GFRA1: variants seen among roughly 807,000 people sequenced by gnomAD.
The protein encoded by GFRA1 is GDNF family receptor alpha-1.
In GFRA1, 16 loss-of-function variants were observed where a neutral mutation model predicts 51.6. The ratio of observed to expected loss-of-function variants is 0.31; its 90% CI spans 0.21 to 0.47. The LOEUF is 0.47. Ranked by LOEUF, GFRA1 falls within the 20% of genes least tolerant of loss-of-function variation. The pLI is 1.00. For missense variants in GFRA1, 530 were observed against 594.3 expected, an observed-to-expected ratio of 0.89 and a Z score of 1.13; for synonymous variants, 270 against 241.3, an observed-to-expected ratio of 1.12 and a Z score of -1.10.
chr10:116,079,423 T>C (rs900785106), intron 9 of GFRA1, among the ~76,000 whole-genome samples: 3 of 151,982 alleles, frequency 2.0e-5, no homozygotes, highest in Non-Finnish European at 4.4e-5. Context: ...CTCCCTATGC[T>C]CCTTGCTACA....
chr10:116,185,985 A>G (rs1251446722), intron 5 of GFRA1, among the ~76,000 whole-genome samples: 1 of 152,122 alleles, frequency 6.6e-6, no homozygotes, highest in Non-Finnish European at 1.5e-5. Flanking sequence ...TTTATCTTTT[A>G]AATTTTATTT....
chr10:116,163,613 G>A (rs756830247), intron 5 of GFRA1, among the ~76,000 whole-genome samples: 2 of 152,218 alleles, frequency 1.3e-5, no homozygotes, highest in Non-Finnish European at 2.9e-5. Context: ...GGGCTGTGCT[G>A]TGGTCACTCC....
intron 5 of GFRA1, among the ~76,000 whole-genome samples, chr10:116,172,274 G>A (rs1365589870): frequency 6.6e-6 from 1 of 152,086 alleles, no homozygotes; most frequent in East Asian, 1.9e-4. Context: ...GTAAGACAAG[G>A]GAGCTGACGT....
At chr10:116,177,330 C>T (rs1312545837) in intron 5 of GFRA1, among the ~76,000 whole-genome samples, 1 of 152,102 alleles carries the variant, frequency 6.6e-6, no homozygotes, top group Non-Finnish European at 1.5e-5. Flanking sequence ...ATGCAATGGT[C>T]TAGGCAAAAT....
chr10:116,207,617 T>C (rs1048046685), intron 5 of GFRA1, among the ~76,000 whole-genome samples: 1 of 138,008 alleles, frequency 7.2e-6, no homozygotes, highest in Non-Finnish European at 1.6e-5. Context: ...ATATGATTGA[T>C]ATATATATAT....
At chr10:116,232,976 G>A (rs1966775221) in intron 4 of GFRA1, among the ~76,000 whole-genome samples, 1 of 152,164 alleles carries the variant, frequency 6.6e-6, no homozygotes, top group South Asian at 2.1e-4. Flanking sequence ...GTTATTTTAA[G>A]TGCAGGCCTA....
At chr10:116,269,617 C>G (rs1459645306) in intron 3 of GFRA1, 31 bp from the exon 4 acceptor site, 1 of 1,287,854 alleles carries the variant, frequency 7.8e-7, no homozygotes, top group South Asian at 1.2e-5. Context: ...GGGCTCAGAT[C>G]AGAAAAACAT....
chr10:116,268,812 CTGAA>C (rs1969867213), intron 4 of GFRA1, among the ~76,000 whole-genome samples: 1 of 152,154 alleles, frequency 6.6e-6, no homozygotes, highest in African/African-American at 2.4e-5. Context: ...TATGGGCTGT[CTGAA>C]TGCAGATGTT....
chr10:116,178,592 A>G (rs1251161279), intron 5 of GFRA1, among the ~76,000 whole-genome samples: 1 of 152,218 alleles, frequency 6.6e-6, no homozygotes, highest in Non-Finnish European at 1.5e-5. Flanking sequence ...GAGTTCTAGA[A>G]GAGGTGAATA....
intron 5 of GFRA1, among the ~76,000 whole-genome samples, chr10:116,186,570 T>TAAAA (rs386372545): frequency 7.7e-5 from 10 of 129,178 alleles, no homozygotes; most frequent in East Asian, 2.3e-4. Flanking sequence ...GAAAGGCTCT[T>TAAAA]AAAAAAAAAA....
chr10:116,104,447 T>C (rs1359068558), intron 6 of GFRA1, among the ~76,000 whole-genome samples: 1 of 152,216 alleles, frequency 6.6e-6, no homozygotes, highest in African/African-American at 2.4e-5. Flanking sequence ...TGGAGGCTGC[T>C]GTCACTGCAC....
At chr10:116,231,696 G>A (rs1966685484) in intron 4 of GFRA1, among the ~76,000 whole-genome samples, 1 of 152,048 alleles carries the variant, frequency 6.6e-6, no homozygotes, top group Non-Finnish European at 1.5e-5. Context: ...ACAGCTGCCA[G>A]CCTTTTCCGG....
At chr10:116,167,142 GC>G (rs369836032) in intron 5 of GFRA1, among the ~76,000 whole-genome samples, 271 of 152,184 alleles carry the variant, frequency 1.8e-3, no homozygotes, top group African/African-American at 5.9e-3. Flanking sequence ...GTCTTCTCAA[GC>G]CATATTTTCT....
At chr10:116,096,797 A>G (rs754644101) in intron 6 of GFRA1, 33 bp from the exon 7 acceptor site, 1 of 1,223,396 alleles carries the variant, frequency 8.2e-7, no homozygotes. Flanking sequence ...GGGGGTGGAA[A>G]TGTGCTTTAA....
intron 9 of GFRA1, among the ~76,000 whole-genome samples, chr10:116,079,713 CA>C (rs956619835): frequency 3.9e-5 from 6 of 152,062 alleles, no homozygotes; most frequent in African/African-American, 1.4e-4. Flanking sequence ...ACCAAAATGT[CA>C]ATAGTGCCAA....
chr10:116,134,437 G>A (rs183165981), intron 5 of GFRA1, among the ~76,000 whole-genome samples: 9 of 152,306 alleles, frequency 5.9e-5, no homozygotes, highest in Non-Finnish European at 1.2e-4. Context: ...CTGGGCTTCT[G>A]ATATCCACAC....
At chr10:116,118,895 A>G (rs1258541261) in intron 6 of GFRA1, among the ~76,000 whole-genome samples, 3 of 152,160 alleles carry the variant, frequency 2.0e-5, no homozygotes, top group Non-Finnish European at 2.9e-5. Flanking sequence ...CCAGCTGGAG[A>G]GAGGGAGAAC....
intron 8 of GFRA1, among the ~76,000 whole-genome samples, chr10:116,092,555 G>A (rs535032662): frequency 6.6e-6 from 1 of 152,194 alleles, no homozygotes; most frequent in Admixed American, 6.5e-5. Context: ...CTCCCACCAG[G>A]AAGTCAGACT....
intron 9 of GFRA1, among the ~76,000 whole-genome samples, chr10:116,078,587 A>C (rs1174326691): frequency 6.6e-6 from 1 of 152,208 alleles, no homozygotes; most frequent in Non-Finnish European, 1.5e-5. Flanking sequence ...ATCCCCCTCC[A>C]ACAGCTCATT....
Sources: gnomAD v4.1 joint callset for allele counts (sites outside exome capture counted in the v4.1 genomes callset) on GRCh38, gnomAD v4.1.1 for gene constraint, MANE v1.5 for transcripts, NCBI Gene and HGNC (gene_info 2026-07-23, HGNC 2026-07-21) for gene names.